Variants in PIEZO1 observed in about 807,000 individuals in gnomAD.
PIEZO1 encodes the protein piezo type mechanosensitive ion channel component 1 (Er blood group), also known as piezo-type mechanosensitive ion channel component 1.
Under a neutral mutation model 297.2 loss-of-function variants are expected in PIEZO1, and 296 were observed. The observed-to-expected ratio is 1.00, with a 90% confidence interval of 0.91 to 1.10. The LOEUF is 1.10. Ranked by LOEUF, PIEZO1 falls within the 50% of genes least tolerant of loss-of-function variation. PIEZO1 has a pLI of 0.00. For synonymous variants in PIEZO1, 2,427 were observed against 1,507.5 expected, an observed-to-expected ratio of 1.61 and a Z score of -14.13; for missense variants, 5,018 against 3,455.5, an observed-to-expected ratio of 1.45 and a Z score of -11.34.
At chr16:88,770,063 C>G (rs1907352950) in intron 1 of PIEZO1, among the ~76,000 whole-genome samples, 1 of 152,204 alleles carries the variant, frequency 6.6e-6, no homozygotes, top group South Asian at 2.1e-4. Context: ...TGGCCCGTCC[C>G]CAGGGAAGAG....
intron 2 of PIEZO1, among the ~76,000 whole-genome samples, chr16:88,749,045 G>T (rs916412366): frequency 2.6e-5 from 4 of 151,400 alleles, no homozygotes; most frequent in South Asian, 2.1e-4. Flanking sequence ...AGACCATCCT[G>T]GCTATCACGG....
Position 88,734,659 on chromosome 16 carries a change from G to A in PIEZO1, c.1988C>T (p.Thr663Ile), listed in dbSNP as rs1465753196. The change falls in exon 15 of 51, where the codon ACC becomes ATC. Residue 663 changes from threonine (T) to isoleucine (I), a missense_variant. Transcript: ENST00000301015. Reference protein sequence around the residue: ...PAYWRNLTGFTDEQLGDLGLE... With the variant: ...PAYWRNLTGFIDEQLGDLGLE... ...CCCAGCCTGGACTCACTGCTCGTCGGTGAAGCCAGTGAGGTTGCGCCAGTA... is the reference window on the plus strand; with the variant it reads ...CCCAGCCTGGACTCACTGCTCGTCGATGAAGCCAGTGAGGTTGCGCCAGTA... 2.6e-6 allele frequency: 4 copies of A among 1,550,268 alleles called. No individual in the cohort carries two copies. Among genetic ancestry groups the A allele is most frequent in the Non-Finnish European group, 3.5e-6 (4 of 1,146,906 alleles).
intron 1 of PIEZO1, among the ~76,000 whole-genome samples, chr16:88,758,916 C>T (rs986535712): frequency 1.3e-5 from 2 of 152,230 alleles, no homozygotes; most frequent in Non-Finnish European, 2.9e-5. Context: ...AGACGCCTAC[C>T]ATTCCTTTTG....
rs752372837 is a variant in PIEZO1, at chr16:88,732,638, C to T, written c.2759G>A (p.Arg920Gln). 5.9e-5 allele frequency: 91 copies of T among 1,549,660 alleles called. No homozygotes were observed. Among genetic ancestry groups the T allele is most frequent in the South Asian group, 3.3e-4 (28 of 84,014 alleles). The part of the protein sequence containing the change: ...PVDPANWFGV[R>Q]KGFPNLGYIQ... ...GTAGCCCAGGTTGGGGAACCCTTTC[C>T]GCACCCCAAACCAGTTGGCAGGGTC... Residue 920 changes from arginine (R) to glutamine (Q), a missense_variant, in exon 20 of 51, where the codon CGG becomes CAG. Physicochemically the swap from Arg to Gln is conservative, Grantham distance 43. Transcript: ENST00000301015.
rs375059249 is a variant in PIEZO1 at position 88,735,262 on chromosome 16, G to C, written c.1558-16C>G. 6.6e-6 allele frequency: 10 copies of C among 1,519,962 alleles called. No homozygotes were observed. In the East Asian group the frequency reaches 2.2e-4, roughly 34 times the overall value. 94.2% of individuals were successfully genotyped at this position (1,519,962 alleles called of 1,614,324 possible). A position where few individuals can be genotyped will look rare whatever the true frequency, so the allele number is the denominator to read the frequency against. The stretch of plus-strand genomic sequence containing the variant: ...TGTAGAGCAACTGTGACAAGCGCAG[G>C]GTGTCACAGTCAGCCGGGGGGCCCA... On this transcript the variant is annotated splice_polypyrimidine_tract_variant and intron_variant, in intron 12 of 50. Transcript: ENST00000301015.
At position 88,721,444 on chromosome 16, in the gene PIEZO1, G is replaced by A. The variant is rs1182432843; in HGVS notation, c.5404-14C>T. On this transcript the variant is annotated splice_polypyrimidine_tract_variant and intron_variant, in intron 38 of 50. Coordinates refer to ENST00000301015, the MANE Select transcript of PIEZO1 (RefSeq NM_001142864.4). ...GAGGCCATAGCACTGAGGGGCGGGAGGGTGTGGTGAGGGGGCCTTGCCTCC... is the reference window on the plus strand; with the variant it reads ...GAGGCCATAGCACTGAGGGGCGGGAAGGTGTGGTGAGGGGGCCTTGCCTCC... 7.1e-6 allele frequency: 11 copies of A among 1,543,134 alleles called. No individual in the cohort carries two copies. The East Asian group carries it at 2.2e-4, about 31-fold the overall frequency.
intron 1 of PIEZO1, among the ~76,000 whole-genome samples, chr16:88,752,086 T>A (rs1000933236): frequency 8.5e-5 from 13 of 152,166 alleles, no homozygotes; most frequent in Admixed American, 7.9e-4. Context: ...TGCAGTTTCC[T>A]TTGGGAAAAC....
Position 88,721,331 on chromosome 16 carries a change from C to A in PIEZO1, c.5503G>T (p.Ala1835Ser). 5 of 1,547,292 alleles carry A rather than the reference C, an allele frequency of 3.2e-6. No homozygotes were observed. Among genetic ancestry groups the A allele is most frequent in the African/African-American group, 1.4e-5 (1 of 73,156 alleles). Residue 1835 changes from alanine to serine, a missense_variant, in exon 39 of 51, where the codon GCG (alanine) becomes TCG (serine). Ala to Ser is a moderately conservative substitution (Grantham distance 99). Coordinates refer to ENST00000301015, the MANE Select transcript of PIEZO1 (RefSeq NM_001142864.4). ...QGAEEGPGVP[A>S]ATTEDHIQVE... ...TGAATGTGGTCTTCGGTGGTGGCCGCAGGCACCCCTGGCCCCTCCTCGGCT... is the reference window on the plus strand; with the variant it reads ...TGAATGTGGTCTTCGGTGGTGGCCGAAGGCACCCCTGGCCCCTCCTCGGCT...
intron 1 of PIEZO1, among the ~76,000 whole-genome samples, chr16:88,755,195 G>A (rs896141795): frequency 2.0e-5 from 3 of 152,202 alleles, no homozygotes; most frequent in African/African-American, 2.4e-5. Flanking sequence ...CTGGGATGCG[G>A]CGAACAGCCG....
At chr16:88,766,276 G>A (rs903558945) in intron 1 of PIEZO1, among the ~76,000 whole-genome samples, 3 of 152,186 alleles carry the variant, frequency 2.0e-5, no homozygotes, top group African/African-American at 7.2e-5. Flanking sequence ...GGGCCCGGAG[G>A]AGGAATTCCC....
At chr16:88,766,363 G>A (rs1454319277) in intron 1 of PIEZO1, among the ~76,000 whole-genome samples, 1 of 152,054 alleles carries the variant, frequency 6.6e-6, no homozygotes, top group Non-Finnish European at 1.5e-5. Context: ...GACAGCCAGC[G>A]CGCCCTGCGA....
intron 1 of PIEZO1, among the ~76,000 whole-genome samples, chr16:88,760,377 T>C (rs1019725017): frequency 6.6e-6 from 1 of 152,258 alleles, no homozygotes; most frequent in Admixed American, 6.5e-5. Context: ...CTATACTCTC[T>C]GTCCAGCAAT....
chr16:88,736,284 C>A lies in PIEZO1; in HGVS notation c.1421G>T (p.Gly474Val). 1 of 1,550,206 alleles carries A rather than the reference C, an allele frequency of 6.5e-7. No homozygotes were observed. Among genetic ancestry groups the A allele is most frequent in the Non-Finnish European group, 8.7e-7 (1 of 1,146,864 alleles). ...GTAGCGTAGGCAGCACAGCGTCATC[C>A]CATACAGCAGGATGCAGGGCGAGCA... ...MLCSPCILLY[G>V]MTLCCLRYVW... Residue 474 changes from glycine to valine, a missense_variant, in exon 12 of 51, where the codon GGG (glycine) becomes GTG (valine). Gly to Val is a moderately radical substitution (Grantham distance 109). Coordinates refer to ENST00000301015, the MANE Select transcript of PIEZO1 (RefSeq NM_001142864.4).
Position 88,737,606 on chromosome 16 carries a change from C to T in PIEZO1, c.1148G>A (p.Cys383Tyr). 1 of 1,534,876 alleles carries T rather than the reference C, an allele frequency of 6.5e-7. No individual in the cohort carries two copies. Residue 383 changes from cysteine (C) to tyrosine (Y), a missense_variant, in exon 10 of 51, where the codon TGC becomes TAC. Coordinates refer to ENST00000301015, the MANE Select transcript of PIEZO1 (RefSeq NM_001142864.4). The stretch of plus-strand genomic sequence containing the variant: ...CTGGCCGGTCAGCTCGTGCACGATG[C>T]AGTTATCAGCCTCGGTGTCGGGTGC... ...PTAPDTEADN[C>Y]IVHELTGQSS...
intron 1 of PIEZO1, among the ~76,000 whole-genome samples, chr16:88,777,826 C>T (rs950480970): frequency 5.3e-5 from 8 of 152,144 alleles, no homozygotes; most frequent in Non-Finnish European, 8.8e-5. Context: ...TGAGGCCCCT[C>T]CAGGGCAGGC....
At position 88,732,596 on chromosome 16, in the gene PIEZO1, C is replaced by G; in HGVS notation, c.2790+11G>C. 2 of 1,547,266 alleles carry G rather than the reference C, an allele frequency of 1.3e-6. No homozygotes were observed. The highest frequency in any genetic ancestry group is 1.7e-6 in the Non-Finnish European group (2 of 1,144,758). ...TCGCCCGCCCAGCCGCCCACCAGCC[C>G]TTCAACTCACCTGGATGTAGCCCAG... On this transcript the variant is annotated intron_variant, in intron 20 of 50. Coordinates refer to ENST00000301015, the MANE Select transcript of PIEZO1 (RefSeq NM_001142864.4).
rs1417046371 is a variant in PIEZO1 at position 88,732,395 on chromosome 16, C to G, written c.2931G>C (p.Gln977His). ...FASGTRQQLDQDLLGCLKYFI... is the reference protein window; with the variant it reads ...FASGTRQQLDHDLLGCLKYFI... The stretch of plus-strand genomic sequence containing the variant: ...AGTACTTGAGGCAGCCGAGCAGATC[C>G]TGGTCCAGCTGCTGGCGGGTGCCGC... Residue 977 changes from glutamine to histidine, a missense_variant, in exon 21 of 51, where the codon CAG becomes CAC. Coordinates refer to ENST00000301015, the MANE Select transcript of PIEZO1 (RefSeq NM_001142864.4). 2 of 1,549,710 alleles carry G rather than the reference C, an allele frequency of 1.3e-6. No homozygotes were observed. The highest frequency in any genetic ancestry group is 1.2e-5 in the South Asian group (1 of 84,056).
Position 88,715,572 on chromosome 16 carries a change from G to C in PIEZO1, c.*33C>G, listed in dbSNP as rs948748493. 1.2e-5 allele frequency: 18 copies of C among 1,540,870 alleles called. No individual in the cohort carries two copies. Among genetic ancestry groups the C allele is most frequent in the Middle Eastern group, 1.8e-4 (1 of 5,526 alleles). The stretch of plus-strand genomic sequence containing the variant: ...TTGTGGCCACGCTGCCCAGCAGGCC[G>C]GCTCCTTCCCTCTCGGGCGCCAGCA... On this transcript the variant is annotated 3_prime_UTR_variant, in exon 51 of 51. Transcript: ENST00000301015.
At chr16:88,738,200 A>G (rs1304133579) in intron 7 of PIEZO1, 27 bp downstream of exon 7, 3 of 1,534,588 alleles carry the variant, frequency 2.0e-6, no homozygotes, top group East Asian at 4.9e-5. Context: ...GGTGGCAGGA[A>G]AAAGGGGCTG....
Sources: allele counts gnomAD v4.1 joint callset (sites outside exome capture counted in the v4.1 genomes callset), GRCh38; gene constraint gnomAD v4.1.1; transcripts MANE v1.5; gene names NCBI Gene and HGNC (gene_info 2026-07-23, HGNC 2026-07-21).